The following SGCD variants were observed in gnomAD, a reference collection of about 807,000 sequenced individuals.
SGCD encodes the protein delta-sarcoglycan.
In SGCD, 18 loss-of-function variants were observed where a neutral mutation model predicts 36.6. That is an observed-to-expected ratio of 0.49 (90% confidence interval 0.34 to 0.73). The LOEUF is 0.73. Ranked by LOEUF, SGCD falls within the 30% of genes least tolerant of loss-of-function variation. The pLI is 0.01. For missense variants in SGCD, 387 were observed against 346.7 expected (o/e 1.12, Z -0.92); for synonymous variants, 133 against 130.6 (o/e 1.02, Z -0.12).
At chr5:155,799,264 A>G in the SGCD span, among the ~76,000 whole-genome samples, 1 of 152,224 alleles carries the variant, frequency 6.6e-6, no homozygotes, top group Non-Finnish European at 1.5e-5. Context: ...GTTTTATCCC[A>G]ATAATAATCA....
At chr5:156,373,537 T>A (rs1398267254) in intron 3 of SGCD, among the ~76,000 whole-genome samples, 5 of 152,232 alleles carry the variant, frequency 3.3e-5, no homozygotes, top group African/African-American at 1.2e-4. Context: ...ATTCTTTCCT[T>A]CTCTGTGAAA....
chr5:156,433,310 A>G (rs1363668156), intron 3 of SGCD, among the ~76,000 whole-genome samples: 4 of 152,070 alleles, frequency 2.6e-5, no homozygotes, highest in Non-Finnish European at 5.9e-5. Flanking sequence ...GGGAGTGGGG[A>G]TTTGGACCAG....
intron 3 of SGCD, among the ~76,000 whole-genome samples, chr5:156,273,883 T>G (rs1185987882): frequency 6.6e-6 from 1 of 152,178 alleles, no homozygotes; most frequent in Non-Finnish European, 1.5e-5. Flanking sequence ...TGTTTTTTGT[T>G]GGGAGCGTAG....
chr5:155,992,152 A>T (rs1460634890), intron 1 of SGCD, among the ~76,000 whole-genome samples: 1 of 152,218 alleles, frequency 6.6e-6, no homozygotes, highest in Non-Finnish European at 1.5e-5. Flanking sequence ...CTTCCAAATT[A>T]ACACCAGAGT....
chr5:156,260,911 G>A (rs1218191139), intron 3 of SGCD, among the ~76,000 whole-genome samples: 2 of 152,036 alleles, frequency 1.3e-5, no homozygotes, highest in Non-Finnish European at 1.5e-5. Context: ...GCCTTTCAAA[G>A]CATCTATGAA....
intron 4 of SGCD, among the ~76,000 whole-genome samples, chr5:156,548,573 A>G (rs1274066068): frequency 6.6e-6 from 1 of 152,186 alleles, no homozygotes; most frequent in African/African-American, 2.4e-5. Context: ...TGACTCAGCT[A>G]CCTGCTGGGC....
chr5:155,932,090 G>A (rs868110093), intron 1 of SGCD, among the ~76,000 whole-genome samples: 3 of 152,208 alleles, frequency 2.0e-5, no homozygotes, highest in Middle Eastern at 3.4e-3. Flanking sequence ...AACCCACCTT[G>A]GGGGTTAAGA....
chr5:156,277,815 A>G (rs1766354736), intron 3 of SGCD, among the ~76,000 whole-genome samples: 1 of 152,178 alleles, frequency 6.6e-6, no homozygotes, highest in Non-Finnish European at 1.5e-5. Context: ...ATTGATCATT[A>G]ATATCTCCAA....
intron 6 of SGCD, among the ~76,000 whole-genome samples, chr5:156,614,768 A>G (rs1055200747): frequency 1.3e-5 from 2 of 152,182 alleles, no homozygotes; most frequent in African/African-American, 4.8e-5. Flanking sequence ...AGCAGCCTGT[A>G]CTTTTCCTCA....
intron 3 of SGCD, among the ~76,000 whole-genome samples, chr5:156,291,716 TTTTCCTTATATACTATTA>T (rs1325021942): frequency 3.3e-5 from 5 of 152,118 alleles, no homozygotes; most frequent in Non-Finnish European, 7.4e-5. Flanking sequence ...TCTCTAGATT[TTTTCCTTATATACTATTA>T]TTATTATCTT....
At chr5:156,296,949 C>T (rs1349212122) in intron 3 of SGCD, among the ~76,000 whole-genome samples, 1 of 151,826 alleles carries the variant, frequency 6.6e-6, no homozygotes, top group Non-Finnish European at 1.5e-5. Context: ...TATACACACA[C>T]ATACACACAC....
At chr5:155,754,067 C>T in the SGCD span, among the ~76,000 whole-genome samples, 43 of 152,016 alleles carry the variant, frequency 2.8e-4, no homozygotes, top group African/African-American at 1.0e-3. Flanking sequence ...ATGGGGAGTA[C>T]CAGGAGAAAA....
chr5:156,527,140 T>C (rs1354332728), intron 4 of SGCD, among the ~76,000 whole-genome samples: 1 of 152,122 alleles, frequency 6.6e-6, no homozygotes, highest in Non-Finnish European at 1.5e-5. Context: ...TCTGGATCTC[T>C]CAGTAATTTT....
Position 156,594,979 on chromosome 5 carries a change from G to C in SGCD, c.430G>C (p.Val144Leu). 1 of 1,612,534 alleles carries C rather than the reference G, an allele frequency of 6.2e-7. No homozygotes were observed. Residue 144 changes from valine to leucine, a missense_variant, in exon 6 of 9, where the codon GTT becomes CTT. Physicochemically the swap from Val to Leu is conservative, Grantham distance 32 (BLOSUM62 1). Coordinates refer to ENST00000337851, the MANE Select transcript of SGCD (RefSeq NM_000337.6). ...TGGTAAAAAATTTGAGGTAAAAACT[G>C]TTTCTGGAAAATTGCTCTTCTCTGC... is the stretch of plus-strand genomic sequence containing the variant. ...AYGKKFEVKT[V>L]SGKLLFSADN...
chr5:156,737,758 A>C (rs1756449364), intron 7 of SGCD, among the ~76,000 whole-genome samples: 2 of 152,264 alleles, frequency 1.3e-5, no homozygotes, highest in East Asian at 3.9e-4. Flanking sequence ...ATTGACTATT[A>C]ATCTTCCAGA....
Position 156,438,099 on chromosome 5 carries a change from G to T in SGCD, c.193-70502G>T, listed in dbSNP as rs189257133. ...TGGAAATTTAAGTATCTCCGTTAGG[G>T]TTTTGAATTAGGAGAGAGCATATTT... On this transcript the variant is annotated intron_variant, in intron 3 of 8. Coordinates refer to ENST00000337851, the MANE Select transcript of SGCD (RefSeq NM_000337.6). 1.1e-3 allele frequency among the ~76,000 whole-genome samples: 169 copies of T among 152,286 alleles called. 1 individual carries two copies. The highest frequency in any genetic ancestry group is 3.9e-3 in the African/African-American group (164 of 41,574).
At chr5:156,474,953 G>T (rs1561719456) in intron 3 of SGCD, among the ~76,000 whole-genome samples, 1 of 152,170 alleles carries the variant, frequency 6.6e-6, no homozygotes, top group Non-Finnish European at 1.5e-5. Flanking sequence ...ATTCCATAGG[G>T]TTGTTGTAAA....
chr5:156,475,638 G>A (rs1370266203), intron 3 of SGCD, among the ~76,000 whole-genome samples: 1 of 152,108 alleles, frequency 6.6e-6, no homozygotes, highest in Non-Finnish European at 1.5e-5. Flanking sequence ...AACACTTCCA[G>A]CCAATACTTC....
chr5:156,216,201 T>C (rs1471480682), intron 3 of SGCD, among the ~76,000 whole-genome samples: 1 of 152,174 alleles, frequency 6.6e-6, no homozygotes, highest in Non-Finnish European at 1.5e-5. Context: ...GTTGGTAAAC[T>C]GATAAAAAAT....
Sources: gnomAD v4.1 joint callset for allele counts (sites outside exome capture counted in the v4.1 genomes callset) on GRCh38, gnomAD v4.1.1 for gene constraint, MANE v1.5 for transcripts, NCBI Gene and HGNC (gene_info 2026-07-23, HGNC 2026-07-21) for gene names.